The following ZCCHC17 variants were observed in gnomAD, a reference collection of about 807,000 sequenced individuals.
ZCCHC17 encodes the protein zinc finger CCHC-type containing 17.
Under a neutral mutation model 30.6 loss-of-function variants are expected in ZCCHC17, and 18 were observed. That is an observed-to-expected ratio of 0.59 (90% CI 0.41 to 0.87). The LOEUF is 0.87. Among genes scored for constraint, ZCCHC17 ranks in the 40% least tolerant of loss-of-function variants. The probability of loss-of-function intolerance (pLI) is 0.00; values close to 1 mark genes in which losing one functional copy is unlikely to be tolerated. For missense variants in ZCCHC17, 263 were observed against 284.2 expected (o/e 0.93, Z 0.54); for synonymous variants, 88 against 92.4 (o/e 0.95, Z 0.27).
chr1:31,348,896 A>G lies in ZCCHC17; in HGVS notation c.486A>G (p.Glu162=), dbSNP rs570989502. 2.2e-5 allele frequency: 36 copies of G among 1,613,506 alleles called. No individual in the cohort carries two copies. The South Asian group carries it at 3.8e-4, about 17-fold the overall frequency. Residue 162 remains glutamate, a synonymous_variant, in exon 7 of 8, where the codon GAA becomes GAG. Coordinates refer to ENST00000344147, the MANE Select transcript of ZCCHC17 (RefSeq NM_016505.4). The part of the protein sequence containing the change: ...GTKYSLIPDE[E]EEKEEAKSAE... ...AATACTCTCTGATACCTGATGAGGA[A>G]GAGGAAAAGGAAGAGGCAAAGTCAG...
chr1:31,347,215 A>G (rs986144427), intron 6 of ZCCHC17, among the ~76,000 whole-genome samples: 5 of 152,232 alleles, frequency 3.3e-5, no homozygotes, highest in Non-Finnish European at 7.3e-5. Flanking sequence ...AATACAGGAT[A>G]GTCACTTCTT....
chr1:31,308,033 G>A (rs976352896), intron 1 of ZCCHC17, among the ~76,000 whole-genome samples: 1 of 152,186 alleles, frequency 6.6e-6, no homozygotes, highest in African/African-American at 2.4e-5. Context: ...TGATAGATTA[G>A]TAACTCCTGT....
chr1:31,318,272 C>G (rs1361451733), intron 2 of ZCCHC17: 1 of 1,488,114 alleles, frequency 6.7e-7, no homozygotes, highest in Non-Finnish European at 9.0e-7. Context: ...TACAAATAAT[C>G]ATTTAGTGTT....
At chr1:31,319,193 C>T (rs751020341) in intron 3 of ZCCHC17, 27 bp downstream of exon 3, 1 of 1,583,286 alleles carries the variant, frequency 6.3e-7, no homozygotes, top group Admixed American at 1.7e-5. Flanking sequence ...TGAAATTCAG[C>T]CCTCTGATTC....
At position 31,348,846 on chromosome 1, in the gene ZCCHC17, T is replaced by A. The variant is rs1639366694; in HGVS notation, c.436T>A (p.Cys146Ser). 6.2e-7 allele frequency: 1 copy of A among 1,612,650 alleles called. No homozygotes were observed. The highest frequency in any genetic ancestry group is 1.1e-5 in the South Asian group (1 of 91,010). Reference sequence around the variant, plus strand: ...TTCTGCAGGCCACTTTGCAAAAGATTGTTTCATGCAACCAGGTGGGACTAA... The same window carrying A: ...TTCTGCAGGCCACTTTGCAAAAGATAGTTTCATGCAACCAGGTGGGACTAA... ...CGCKGHFAKD[C>S]FMQPGGTKYS... Residue 146 changes from cysteine to serine, a missense_variant, in exon 7 of 8, where the codon TGT (cysteine) becomes AGT (serine). Transcript: ENST00000344147.
intron 2 of ZCCHC17, among the ~76,000 whole-genome samples, chr1:31,311,199 A>ACAGGCCC (rs1268474282): frequency 6.6e-6 from 1 of 152,208 alleles, no homozygotes; most frequent in Non-Finnish European, 1.5e-5. Flanking sequence ...TCCTGGGGTT[A>ACAGGCCC]CAGGCATGAG....
intron 3 of ZCCHC17, among the ~76,000 whole-genome samples, chr1:31,321,517 C>G (rs930993440): frequency 4.6e-5 from 7 of 152,194 alleles, no homozygotes; most frequent in African/African-American, 1.7e-4. Flanking sequence ...CTCTATTGCC[C>G]AGGCTAGAGT....
At chr1:31,303,339 A>G (rs942692235) in intron 1 of ZCCHC17, among the ~76,000 whole-genome samples, 5 of 152,196 alleles carry the variant, frequency 3.3e-5, no homozygotes, top group Admixed American at 1.3e-4. Flanking sequence ...GTCTCTGTTC[A>G]TATCCTAGTA....
intron 7 of ZCCHC17, among the ~76,000 whole-genome samples, chr1:31,352,325 C>T (rs2148473984): frequency 6.6e-6 from 1 of 152,310 alleles, no homozygotes; most frequent in East Asian, 1.9e-4. Flanking sequence ...CACCCTTCCT[C>T]CCTGCACTTG....
chr1:31,321,147 T>G (rs889252662), intron 3 of ZCCHC17, among the ~76,000 whole-genome samples: 1 of 152,168 alleles, frequency 6.6e-6, no homozygotes, highest in Non-Finnish European at 1.5e-5. Context: ...GAATTGTAGT[T>G]CTCGTAATCC....
intron 5 of ZCCHC17, among the ~76,000 whole-genome samples, chr1:31,343,583 G>C (rs996738080): frequency 2.6e-5 from 4 of 152,032 alleles, no homozygotes; most frequent in African/African-American, 7.2e-5. Flanking sequence ...AAGTGACTCT[G>C]TAAATGGAAA....
intron 3 of ZCCHC17, among the ~76,000 whole-genome samples, chr1:31,320,633 T>C (rs1646839401): frequency 6.6e-6 from 1 of 152,266 alleles, no homozygotes; most frequent in South Asian, 2.1e-4. Context: ...ATCTGTTTTA[T>C]AATATGTACT....
chr1:31,298,420 C>G (rs930930499), intron 1 of ZCCHC17, among the ~76,000 whole-genome samples: 3 of 147,072 alleles, frequency 2.0e-5, no homozygotes, highest in Admixed American at 6.8e-5. Flanking sequence ...GGTTCTTGCT[C>G]TGTCGCCCAG....
chr1:31,348,985 CT>C lies in ZCCHC17; in HGVS notation c.564+14del, dbSNP rs773598349. On this transcript the variant is annotated intron_variant, in intron 7 of 7. Transcript: ENST00000344147. ...AGAAAAAGAAAGAAGGTGAATGCTACTTTGCTTTTATTTTATCATGTCTTTT... is the reference window on the plus strand; with the variant it reads ...AGAAAAAGAAAGAAGGTGAATGCTACTTGCTTTTATTTTATCATGTCTTTT... The C allele has an allele frequency of 2.9e-4, 459 of 1,557,842 alleles. No homozygotes were observed. Among genetic ancestry groups the C allele is most frequent in the Non-Finnish European group, 3.8e-4 (445 of 1,159,318 alleles).
intron 1 of ZCCHC17, among the ~76,000 whole-genome samples, chr1:31,304,836 C>A (rs1286542263): frequency 6.6e-6 from 1 of 152,148 alleles, no homozygotes; most frequent in East Asian, 1.9e-4. Context: ...ACCTCGTGAT[C>A]CACCTGCCTC....
intron 3 of ZCCHC17, among the ~76,000 whole-genome samples, chr1:31,323,518 T>C (rs2148433718): frequency 6.6e-6 from 1 of 152,282 alleles, no homozygotes; most frequent in East Asian, 1.9e-4. Flanking sequence ...AGTCAGGGTT[T>C]CACCGTGTTA....
chr1:31,310,499 A>T (rs560032799), intron 2 of ZCCHC17, among the ~76,000 whole-genome samples: 2 of 152,212 alleles, frequency 1.3e-5, no homozygotes, highest in Non-Finnish European at 2.9e-5. Flanking sequence ...ACCTAGTAGG[A>T]GGTATTTAGT....
chr1:31,307,840 G>T (rs1646503931), intron 1 of ZCCHC17, among the ~76,000 whole-genome samples: 1 of 152,010 alleles, frequency 6.6e-6, no homozygotes, highest in South Asian at 2.1e-4. Context: ...CTCCCAAAGT[G>T]CTGGGATTAC....
At chr1:31,299,973 A>G (rs949911646) in intron 1 of ZCCHC17, among the ~76,000 whole-genome samples, 2 of 152,336 alleles carry the variant, frequency 1.3e-5, no homozygotes, top group East Asian at 1.9e-4. Context: ...ATTCTCTGCT[A>G]GAGGATTTCT....
Sources: gnomAD v4.1 joint callset for allele counts (sites outside exome capture counted in the v4.1 genomes callset) on GRCh38, gnomAD v4.1.1 for gene constraint, MANE v1.5 for transcripts, NCBI Gene and HGNC (gene_info 2026-07-23, HGNC 2026-07-21) for gene names.